The following CSMD3 variants were observed in gnomAD, a reference collection of about 807,000 sequenced individuals.
The protein encoded by CSMD3 is CUB and sushi domain-containing protein 3.
CSMD3 carries 177 observed loss-of-function variants against 435.2 expected under a neutral mutation model. The ratio of observed to expected loss-of-function variants is 0.41; its 90% CI spans 0.36 to 0.46. The LOEUF (loss-of-function observed/expected upper bound fraction) is 0.46. Among genes scored for constraint, CSMD3 ranks in the 20% least tolerant of loss-of-function variants. CSMD3 has a pLI of 0.34. For synonymous variants in CSMD3, 1,656 were observed against 1,520.5 expected (o/e 1.09, Z -2.07); for missense variants, 4,265 against 4,504.6 (o/e 0.95, Z 1.52).
intron 38 of CSMD3, among the ~76,000 whole-genome samples, chr8:112,370,023 G>GGAAGAAGAAGAAGAAGAAGAAGAA (rs71309767): frequency 2.4e-3 from 159 of 66,556 alleles, no homozygotes; most frequent in South Asian, 3.6e-3. Context: ...AAGAAGAAGA[G>GGAAGAAGAAGAAGAAGAAGAAGAA]GAAGAAGAAG....
intron 36 of CSMD3, among the ~76,000 whole-genome samples, chr8:112,388,116 C>T (rs1164998226): frequency 6.6e-6 from 1 of 152,134 alleles, no homozygotes; most frequent in Non-Finnish European, 1.5e-5. Context: ...ATAGAGAGTG[C>T]TCACAGAAAG....
chr8:112,440,156 G>A (rs2130492030), intron 32 of CSMD3, among the ~76,000 whole-genome samples: 1 of 152,236 alleles, frequency 6.6e-6, no homozygotes, highest in Non-Finnish European at 1.5e-5. Context: ...ATACAATCGG[G>A]TTACAGGCAT....
At chr8:112,226,905 C>G (rs575691882) in intron 70 of CSMD3, among the ~76,000 whole-genome samples, 1 of 152,172 alleles carries the variant, frequency 6.6e-6, no homozygotes, top group Non-Finnish European at 1.5e-5. Flanking sequence ...ACAAAGCCCC[C>G]CAAACCTGGA....
chr8:112,439,134 T>C lies in CSMD3; in HGVS notation c.5396-30102A>G, dbSNP rs1173214448. Among the ~76,000 whole-genome samples the C allele has an allele frequency of 1.3e-5, 2 of 152,174 alleles. 1 individual carries two copies. On this transcript the variant is annotated intron_variant, in intron 32 of 70. Coordinates refer to ENST00000297405, the MANE Select transcript of CSMD3 (RefSeq NM_198123.2). ...TTGAAAAATATAATGCAGTGTGATA[T>C]ACTTTTGTTTTGTTTGTTTTGTTTG...
In CSMD3 at chr8:112,550,656, T is replaced by C. The variant is rs1201034017; in HGVS notation, c.4564+15A>G. On this transcript the variant is annotated intron_variant, in intron 27 of 70. Coordinates refer to ENST00000297405, the MANE Select transcript of CSMD3 (RefSeq NM_198123.2). The stretch of plus-strand genomic sequence containing the variant: ...TTCCTATTTTGCATTGAAGAAATTT[T>C]TTGAAAAAACTTACTTGAAAACTGA... 1 of 1,498,208 alleles carries C rather than the reference T, an allele frequency of 6.7e-7. No individual in the cohort carries two copies. Among genetic ancestry groups the C allele is most frequent in the Non-Finnish European group, 9.3e-7 (1 of 1,075,630 alleles). 92.8% of individuals were successfully genotyped at this position (1,498,208 alleles called of 1,614,324 possible). A position where few individuals can be genotyped will look rare whatever the true frequency, so the allele number is the denominator to read the frequency against.
At chr8:112,576,576 C>G (rs1022838890) in intron 23 of CSMD3, among the ~76,000 whole-genome samples, 61 of 151,810 alleles carry the variant, frequency 4.0e-4, no homozygotes, top group African/African-American at 1.5e-3. Context: ...GTTGCCCATG[C>G]TGGAGTGCAA....
chr8:112,687,827 T>A (rs187776857), intron 14 of CSMD3, among the ~76,000 whole-genome samples: 1 of 152,258 alleles, frequency 6.6e-6, no homozygotes, highest in Admixed American at 6.5e-5. Flanking sequence ...GGAAAACATC[T>A]TTTATTCTAG....
chr8:112,859,292 G>A (rs2129862475), intron 10 of CSMD3, 26 bp from the exon 11 acceptor site: 1 of 1,597,740 alleles, frequency 6.3e-7, no homozygotes, highest in Non-Finnish European at 8.6e-7. Context: ...CATTTTAAAA[G>A]ATGAACATAT....
chr8:112,241,027 T>C (rs958286785), intron 66 of CSMD3, among the ~76,000 whole-genome samples: 1 of 152,112 alleles, frequency 6.6e-6, no homozygotes, highest in Non-Finnish European at 1.5e-5. Context: ...GGTATATCTT[T>C]ATCAGGAGTG....
intron 6 of CSMD3, among the ~76,000 whole-genome samples, chr8:112,987,595 C>A (rs769550531): frequency 4.6e-5 from 7 of 152,098 alleles, no homozygotes; most frequent in Non-Finnish European, 1.0e-4. Context: ...ACTGGCACAG[C>A]TAAAAGATGG....
chr8:112,288,763 C>G (rs1819476818), intron 57 of CSMD3, among the ~76,000 whole-genome samples: 2 of 151,928 alleles, frequency 1.3e-5, no homozygotes, highest in South Asian at 4.1e-4. Flanking sequence ...AATACTTACT[C>G]TGTGAACAAA....
intron 31 of CSMD3, among the ~76,000 whole-genome samples, chr8:112,479,224 C>T (rs745578924): frequency 4.6e-5 from 7 of 152,260 alleles, no homozygotes; most frequent in Non-Finnish European, 1.0e-4. Flanking sequence ...AAGAAAATAT[C>T]GTACATCACT....
chr8:112,777,240 C>T (rs2078269140), intron 13 of CSMD3, among the ~76,000 whole-genome samples: 1 of 151,774 alleles, frequency 6.6e-6, no homozygotes, highest in Non-Finnish European at 1.5e-5. Context: ...TGAAATTTTT[C>T]TCCCACATAA....
chr8:113,410,360 C>G (rs1418294472), intron 1 of CSMD3, among the ~76,000 whole-genome samples: 1 of 152,186 alleles, frequency 6.6e-6, no homozygotes, highest in Non-Finnish European at 1.5e-5. Context: ...CACTATTCTA[C>G]TGAGACAGCT....
At chr8:113,294,789 A>T (rs2093708122) in intron 2 of CSMD3, among the ~76,000 whole-genome samples, 1 of 152,152 alleles carries the variant, frequency 6.6e-6, no homozygotes, top group Admixed American at 6.5e-5. Flanking sequence ...CATTCACCTT[A>T]ATAAAGGACA....
intron 2 of CSMD3, among the ~76,000 whole-genome samples, chr8:113,288,692 A>G (rs1180138038): frequency 1.3e-5 from 2 of 151,874 alleles, no homozygotes; most frequent in African/African-American, 2.4e-5. Context: ...GTTAATTAGC[A>G]TATTTTTCTA....
intron 10 of CSMD3, among the ~76,000 whole-genome samples, chr8:112,865,800 T>A (rs1439550317): frequency 1.3e-5 from 2 of 151,988 alleles, no homozygotes; most frequent in East Asian, 1.9e-4. Context: ...GTTTTGTTTA[T>A]CATGGAATCT....
chr8:112,501,942 T>C (rs959471984), intron 30 of CSMD3, among the ~76,000 whole-genome samples: 3 of 152,098 alleles, frequency 2.0e-5, no homozygotes, highest in African/African-American at 7.2e-5. Flanking sequence ...TTCAGAAGGA[T>C]ACATACATAA....
intron 5 of CSMD3, among the ~76,000 whole-genome samples, chr8:113,088,466 T>C (rs1395231749): frequency 1.3e-5 from 2 of 148,294 alleles, no homozygotes; most frequent in African/African-American, 5.0e-5. Flanking sequence ...AACCCAAATG[T>C]CCAACAATGA....
Sources: allele counts gnomAD v4.1 joint callset (sites outside exome capture counted in the v4.1 genomes callset), GRCh38; gene constraint gnomAD v4.1.1; transcripts MANE v1.5; gene names NCBI Gene and HGNC (gene_info 2026-07-23, HGNC 2026-07-21).